The following SF3A2 variants were observed in gnomAD, a reference collection of about 807,000 sequenced individuals.
SF3A2 encodes SAP 62.
SF3A2 carries 5 observed loss-of-function variants against 31.1 expected under a neutral mutation model. The observed-to-expected ratio is 0.16, with a 90% CI of 0.08 to 0.34. The LOEUF (loss-of-function observed/expected upper bound fraction) is 0.34, where lower values mean the gene tolerates loss of function less well. Among genes scored for constraint, SF3A2 ranks in the 10% least tolerant of loss-of-function variants. The pLI is 1.00. For synonymous variants in SF3A2, 365 were observed against 263.7 expected (o/e 1.38, Z -3.72); for missense variants, 577 against 643.9 (o/e 0.90, Z 1.13).
chr19:2,247,876 C>A lies in SF3A2; in HGVS notation c.725C>A (p.Pro242His). The A allele has an allele frequency of 6.4e-7, 1 of 1,565,548 alleles. No individual in the cohort carries two copies. The change falls in exon 9 of 9, where the codon CCC becomes CAC. Residue 242 changes from proline (P) to histidine (H), a missense_variant. Pro to His is a moderately conservative substitution (Grantham distance 77, BLOSUM62 -2). This residue lies in a region of SF3A2 where 462 missense variants were observed against 339.1 expected (regional missense o/e 1.36). Coordinates refer to ENST00000221494, the MANE Select transcript of SF3A2 (RefSeq NM_007165.5). ...CCACCCCCGCTGATGAACGGTCTGC[C>A]CCCTCGGCCACCGCTGCCTGAGTCT... ...RPPPPLMNGL[P>H]PRPPLPESLP... is the part of the protein sequence containing the mutation.
At chr19:2,247,084 A>C in intron 7 of SF3A2, 62 bp downstream of exon 7, 1 of 1,558,228 alleles carries the variant, frequency 6.4e-7, no homozygotes, top group Non-Finnish European at 8.6e-7. Context: ...GGATCTGCAT[A>C]GGCTGGGCAG....
Position 2,248,362 on chromosome 19 carries a change from C to T in SF3A2, c.1211C>T (p.Ala404Val). The change falls in exon 9 of 9, where the codon GCC (alanine) becomes GTC (valine). Residue 404 changes from alanine (A) to valine (V), a missense_variant. Ala to Val is a moderately conservative substitution (Grantham distance 64, BLOSUM62 0). Coordinates refer to ENST00000221494, the MANE Select transcript of SF3A2 (RefSeq NM_007165.5). ...HPPAPGMHPQ[A>V]PGVHPQPPGV... is the part of the protein sequence containing the mutation. ...CCAGCCCCAGGGATGCACCCTCAGG[C>T]CCCGGGGGTCCACCCCCAACCTCCC... 7.2e-7 allele frequency: 1 copy of T among 1,383,052 alleles called. No homozygotes were observed. 85.7% of individuals were successfully genotyped at this position (1,383,052 alleles called of 1,614,324 possible). A position where few individuals can be genotyped will look rare whatever the true frequency, so the allele number is the denominator to read the frequency against.
chr19:2,239,326 C>A (rs1397695397), intron 1 of SF3A2, among the ~76,000 whole-genome samples: 1 of 140,062 alleles, frequency 7.1e-6, no homozygotes, highest in African/African-American at 2.7e-5. Flanking sequence ...GATCGAGCTA[C>A]TGCCTGGGCG....
Position 2,248,161 on chromosome 19 carries a change from A to ACCCTCCAGCCCCCGGAGTCCC in SF3A2, c.1025_1026insAGTCCCCCCTCCAGCCCCCGG (p.Val343_His344insProProProAlaProGlyVal). The ACCCTCCAGCCCCCGGAGTCCC allele has an allele frequency of 7.0e-7, 1 of 1,432,094 alleles. No homozygotes were observed. The highest frequency in any genetic ancestry group is 1.6e-5 in the African/African-American group (1 of 62,002). 88.7% of individuals were successfully genotyped at this position (1,432,094 alleles called of 1,614,324 possible). On this transcript the variant is annotated inframe_insertion, in exon 9 of 9. Coordinates refer to ENST00000221494, the MANE Select transcript of SF3A2 (RefSeq NM_007165.5). The stretch of plus-strand genomic sequence containing the variant: ...GTCCACCCCCCAGCTCCTGGAGTCC[A>ACCCTCCAGCCCCCGGAGTCCC]CCCTCCAGCCCCCGGGGTTCACCCA...
chr19:2,240,281 C>A (rs537563559), intron 1 of SF3A2, among the ~76,000 whole-genome samples: 2 of 152,328 alleles, frequency 1.3e-5, no homozygotes, highest in East Asian at 3.9e-4. Flanking sequence ...GTGATTCAGT[C>A]CCCCCTTTTC....
chr19:2,243,355 T>G, intron 1 of SF3A2, 27 bp from the exon 2 acceptor site: 1 of 1,462,190 alleles, frequency 6.8e-7, no homozygotes, highest in Non-Finnish European at 9.0e-7. Context: ...TGAGCCATCT[T>G]CCTCACTCTC....
At position 2,246,944 on chromosome 19, in the gene SF3A2, G is replaced by A. The variant is rs2024939843; in HGVS notation, c.468G>A (p.Glu156=). 1.2e-6 allele frequency: 2 copies of A among 1,609,020 alleles called. No individual in the cohort carries two copies. The highest frequency in any genetic ancestry group is 1.7e-6 in the Non-Finnish European group (2 of 1,178,684). The change falls in exon 7 of 9, where the codon GAG becomes GAA. Residue 156 remains glutamate (E), a synonymous_variant. Transcript: ENST00000221494. The surrounding 1 kb of genome is among the most constrained non-coding windows in gnomAD (Gnocchi z 5.5). ...MPRHRFMSAY[E]QRIEPPDRRW... Reference sequence around the variant, plus strand: ...GTCACCGCTTCATGTCTGCGTACGAGCAGAGGATCGAGCCTCCGGACCGGC... The same window carrying A: ...GTCACCGCTTCATGTCTGCGTACGAACAGAGGATCGAGCCTCCGGACCGGC...
At chr19:2,239,934 T>C (rs1476788359) in intron 1 of SF3A2, among the ~76,000 whole-genome samples, 1 of 152,160 alleles carries the variant, frequency 6.6e-6, no homozygotes, top group African/African-American at 2.4e-5. Context: ...CCCCCGATAA[T>C]GAAGGAGGGT....
chr19:2,241,845 A>G (rs2024892353), intron 1 of SF3A2, among the ~76,000 whole-genome samples: 1 of 152,170 alleles, frequency 6.6e-6, no homozygotes, highest in South Asian at 2.1e-4. Flanking sequence ...TTACGTGACA[A>G]CATGTAAAAA....
chr19:2,243,034 C>T (rs924318055), intron 1 of SF3A2, among the ~76,000 whole-genome samples: 1 of 152,086 alleles, frequency 6.6e-6, no homozygotes, highest in Non-Finnish European at 1.5e-5. Flanking sequence ...TTTGTGAGAT[C>T]TTGGTCTTGT....
chr19:2,240,316 C>G (rs1001957098), intron 1 of SF3A2, among the ~76,000 whole-genome samples: 1 of 152,236 alleles, frequency 6.6e-6, no homozygotes, highest in Admixed American at 6.5e-5. Flanking sequence ...CCCCCTTGCT[C>G]TGCTGGGCCT....
At chr19:2,242,103 A>C (rs979478069) in intron 1 of SF3A2, among the ~76,000 whole-genome samples, 5 of 145,916 alleles carry the variant, frequency 3.4e-5, no homozygotes, top group African/African-American at 8.1e-5. Context: ...ACCTGCGGCC[A>C]CTGTGGCCTG....
Position 2,243,635 on chromosome 19 carries a change from C to T in SF3A2, c.126+91C>T, listed in dbSNP as rs139887621. ...GTGCCAGAGGCTCTTCTTGGGCCTC[C>T]GCCCAGGCTGGGCGATGCAGCCCCG... is the stretch of plus-strand genomic sequence containing the variant. On this transcript the variant is annotated intron_variant, in intron 2 of 8. Transcript: ENST00000221494. 1.3e-3 allele frequency: 1,795 copies of T among 1,372,710 alleles called. 28 individuals are homozygous for T. The East Asian group carries it at 0.029, about 22-fold the overall frequency. The allele number at this position is 1,372,710 out of a possible 1,614,324, so 85.0% of individuals were successfully genotyped here.
rs1162580545 is a variant in SF3A2 at position 2,247,806 on chromosome 19, G to C, written c.655G>C (p.Ala219Pro). 3 of 1,609,442 alleles carry C rather than the reference G, an allele frequency of 1.9e-6. No individual in the cohort carries two copies. In the East Asian group the frequency reaches 6.7e-5, roughly 36 times the overall value. ...QFHFKMEKPP[A>P]PPSLPAGPPG... ...CCACTTTAAGATGGAGAAGCCCCCGGCTCCACCCAGCCTCCCTGCTGGCCC... is the reference window on the plus strand; with the variant it reads ...CCACTTTAAGATGGAGAAGCCCCCGCCTCCACCCAGCCTCCCTGCTGGCCC... Residue 219 changes from alanine to proline, a missense_variant, in exon 9 of 9, where the codon GCT (alanine) becomes CCT (proline). This residue lies in a region of SF3A2 where 462 missense variants were observed against 339.1 expected (regional missense o/e 1.36). Coordinates refer to ENST00000221494, the MANE Select transcript of SF3A2 (RefSeq NM_007165.5).
chr19:2,244,730 C>T lies in SF3A2; in HGVS notation c.199-3C>T. 6.2e-7 allele frequency: 1 copy of T among 1,614,066 alleles called. No homozygotes were observed. On this transcript the variant is annotated splice_polypyrimidine_tract_variant and splice_region_variant and intron_variant, in intron 3 of 8. Coordinates refer to ENST00000221494, the MANE Select transcript of SF3A2 (RefSeq NM_007165.5). ...AGTCATGCGTGTTTCCTTTCCACTC[C>T]AGGGGAGCTACCTGGCACATACGCA...
rs2024926575 is a variant in SF3A2 at position 2,245,801 on chromosome 19, C to T, written c.355+246C>T. Reference sequence around the variant, plus strand: ...CAGCTGAGCCACAGTCTGTGCCCTCCTGTCCGGGTCTTGTGGAAGCTTCTG... The same window carrying T: ...CAGCTGAGCCACAGTCTGTGCCCTCTTGTCCGGGTCTTGTGGAAGCTTCTG... On this transcript the variant is annotated intron_variant, in intron 5 of 8. Transcript: ENST00000221494. The surrounding 1 kb of genome is among the most constrained non-coding windows in gnomAD (Gnocchi z 4.2). The T allele has an allele frequency of 5.6e-6, 3 of 534,162 alleles. No individual in the cohort carries two copies. In the Admixed American group the frequency reaches 9.8e-5, roughly 17 times the overall value. The allele number at this position is 534,162 out of a possible 1,614,324, so 33.1% of individuals were successfully genotyped here. A position where few individuals can be genotyped will look rare whatever the true frequency, so the allele number is the denominator to read the frequency against.
chr19:2,248,223 C>G lies in SF3A2; in HGVS notation c.1072C>G (p.His358Asp). The change falls in exon 9 of 9, where the codon CAC becomes GAC. Residue 358 changes from histidine to aspartate, a missense_variant. His to Asp is a moderately conservative substitution (Grantham distance 81). Around this residue, in one of 6 missense-constraint regions of SF3A2, gnomAD observed 462 missense variants for 339.1 expected, o/e 1.36. Transcript: ENST00000221494. ...AGTCCACCCACCAGCCCCTGGGGTTCACCCACCAGCCCCAGGGGTCCATCC... is the reference window on the plus strand; with the variant it reads ...AGTCCACCCACCAGCCCCTGGGGTTGACCCACCAGCCCCAGGGGTCCATCC... Reference protein sequence around the residue: ...PGVHPPAPGVHPPAPGVHPPP... With the variant: ...PGVHPPAPGVDPPAPGVHPPP... 6.9e-7 allele frequency: 1 copy of G among 1,441,278 alleles called. No homozygotes were observed. The highest frequency in any genetic ancestry group is 2.6e-5 in the East Asian group (1 of 38,652). 89.3% of individuals were successfully genotyped at this position (1,441,278 alleles called of 1,614,324 possible).
intron 1 of SF3A2, among the ~76,000 whole-genome samples, chr19:2,239,609 C>T (rs2024871684): frequency 6.6e-6 from 1 of 152,028 alleles, no homozygotes; most frequent in African/African-American, 2.4e-5. Flanking sequence ...AGTTTGGTTC[C>T]TTTAGTCCTG....
Position 2,248,518 on chromosome 19 carries a change from A to G in SF3A2, c.1367A>G (p.Asn456Ser). 3 of 1,135,176 alleles carry G rather than the reference A, an allele frequency of 2.6e-6. No individual in the cohort carries two copies. The highest frequency in any genetic ancestry group is 3.4e-6 in the Non-Finnish European group (3 of 876,342). The allele number at this position is 1,135,176 out of a possible 1,614,324, so 70.3% of individuals were successfully genotyped here. A position where few individuals can be genotyped will look rare whatever the true frequency, so the allele number is the denominator to read the frequency against. The change falls in exon 9 of 9, where the codon AAC becomes AGC. Residue 456 changes from asparagine to serine, a missense_variant. Transcript: ENST00000221494. ...RPPLPSEGPG[N>S]IPPPPPTN ...CCACTTCCCTCCGAAGGCCCAGGGA[A>G]CATACCTCCCCCTCCCCCAACCAAC...
Sources: allele counts gnomAD v4.1 joint callset (sites outside exome capture counted in the v4.1 genomes callset), GRCh38; gene constraint gnomAD v4.1.1; regional missense constraint gnomAD v4.1.1; non-coding constraint Gnocchi (gnomAD v3.1); transcripts MANE v1.5; gene names NCBI Gene and HGNC (gene_info 2026-07-23, HGNC 2026-07-21).